Variants in NOC2L observed in about 807,000 individuals in gnomAD.
NOC2L encodes the protein NOC2 like nucleolar associated transcriptional repressor.
In NOC2L, 101 loss-of-function variants were observed where a neutral mutation model predicts 94.2. That is an observed-to-expected ratio of 1.07 (90% CI 0.91 to 1.26). The LOEUF (loss-of-function observed/expected upper bound fraction) is 1.26, where lower values mean the gene tolerates loss of function less well. Among genes scored for constraint, NOC2L ranks in the 50% most tolerant of loss-of-function variants. The pLI is 0.00. For synonymous variants in NOC2L, 531 were observed against 413.4 expected (o/e 1.28, Z -3.45); for missense variants, 1,076 against 980.1 (o/e 1.10, Z -1.31).
At chr1:952,353 G>C in intron 10 of NOC2L, 59 bp downstream of exon 10, 1 of 1,588,064 alleles carries the variant, frequency 6.3e-7, no homozygotes, top group Non-Finnish European at 8.6e-7. Context: ...CCTTGGGTCG[G>C]GCACCTGGGC....
rs190217509 is a variant in NOC2L, at chr1:948,640, T to C, written c.1444-37A>G. 48 of 1,004,846 alleles carry C rather than the reference T, an allele frequency of 4.8e-5. No homozygotes were observed. In the Middle Eastern group the frequency reaches 1.8e-3, roughly 38 times the overall value. 62.2% of individuals were successfully genotyped at this position (1,004,846 alleles called of 1,614,324 possible). On this transcript the variant is annotated intron_variant, in intron 12 of 18. Coordinates refer to ENST00000327044, the MANE Select transcript of NOC2L (RefSeq NM_015658.4). The stretch of plus-strand genomic sequence containing the variant: ...GCCGTGTCAGGCTCTCTCGGCCCCA[T>C]GCCTGGTCACCCTGGCTTCACCCTG...
rs552927939 is a variant in NOC2L at position 945,421 on chromosome 1, C to T, written c.2053+97G>A. Reference sequence around the variant, plus strand: ...CAGCTGGGCCAGAGACTGGTGAGCCCCCTGCAGGATGGGTACAGGTGGCCC... The same window carrying T: ...CAGCTGGGCCAGAGACTGGTGAGCCTCCTGCAGGATGGGTACAGGTGGCCC... On this transcript the variant is annotated intron_variant, in intron 17 of 18. Transcript: ENST00000327044. 34 of 1,431,002 alleles carry T rather than the reference C, an allele frequency of 2.4e-5. No individual in the cohort carries two copies. The African/African-American group carries it at 4.7e-4, about 20-fold the overall frequency. The allele number at this position is 1,431,002 out of a possible 1,614,324, so 88.6% of individuals were successfully genotyped here. A position where few individuals can be genotyped will look rare whatever the true frequency, so the allele number is the denominator to read the frequency against.
chr1:944,405 T>C lies in NOC2L; in HGVS notation c.*289A>G. ...GGAAGGGGCCAGGGGCCTGCAGGCC[T>C]CCCCCTGGAACTGGGACTGGTCTCG... is the stretch of plus-strand genomic sequence containing the variant. On this transcript the variant is annotated 3_prime_UTR_variant, in exon 19 of 19. Coordinates refer to ENST00000327044, the MANE Select transcript of NOC2L (RefSeq NM_015658.4). 6.8e-6 allele frequency: 8 copies of C among 1,184,968 alleles called. No homozygotes were observed. In the Admixed American group the frequency reaches 1.5e-4, roughly 22 times the overall value. The allele number at this position is 1,184,968 out of a possible 1,614,324, so 73.4% of individuals were successfully genotyped here. A position where few individuals can be genotyped will look rare whatever the true frequency, so the allele number is the denominator to read the frequency against.
At chr1:944,972 A>AGCCCCAC in intron 18 of NOC2L, 85 bp downstream of exon 18, 3 of 1,595,816 alleles carry the variant, frequency 1.9e-6, no homozygotes, top group Non-Finnish European at 2.6e-6. Context: ...CCTGGCCCAG[A>AGCCCCAC]GCCCCACGCC....
At chr1:947,910 G>A (rs959546448) in intron 14 of NOC2L, among the ~76,000 whole-genome samples, 2 of 152,196 alleles carry the variant, frequency 1.3e-5, no homozygotes, top group African/African-American at 4.8e-5. Flanking sequence ...TGCTCCCAGG[G>A]TCCTCAGCCC....
At chr1:947,285 C>T (rs1642140075) in intron 14 of NOC2L, among the ~76,000 whole-genome samples, 1 of 152,206 alleles carries the variant, frequency 6.6e-6, no homozygotes, top group Non-Finnish European at 1.5e-5. Context: ...CCCAAGAGGA[C>T]ATGGGAGGAA....
At chr1:952,924 G>C (rs1441221950) in intron 9 of NOC2L, among the ~76,000 whole-genome samples, 1 of 152,212 alleles carries the variant, frequency 6.6e-6, no homozygotes, top group Admixed American at 6.5e-5. Flanking sequence ...CCTCCAGCCA[G>C]AGAGGCCCTC....
intron 14 of NOC2L, 31 bp downstream of exon 14, chr1:948,100 G>C (rs370062741): frequency 2.4e-5 from 37 of 1,526,548 alleles, no homozygotes; most frequent in Non-Finnish European, 3.1e-5. Flanking sequence ...AGTCTGAGTC[G>C]GCCACGAGCC....
intron 2 of NOC2L, 34 bp downstream of exon 2, chr1:958,895 G>A (rs1477064020): frequency 3.1e-6 from 5 of 1,611,858 alleles, no homozygotes; most frequent in African/African-American, 1.3e-5. Flanking sequence ...GACAGGACGA[G>A]CAAGAGGTTC....
chr1:944,329 G>A lies in NOC2L; in HGVS notation c.*365C>T, dbSNP rs1305405090. ...TTTTCAAAGACTTGGGGGAGTGAAG[G>A]CAGAGCCTGGTGCAGATGGACGAGG... is the stretch of plus-strand genomic sequence containing the variant. On this transcript the variant is annotated 3_prime_UTR_variant, in exon 19 of 19. Transcript: ENST00000327044. 1.4e-6 allele frequency: 2 copies of A among 1,384,724 alleles called. No homozygotes were observed. Among genetic ancestry groups the A allele is most frequent in the East Asian group, 2.7e-5 (1 of 36,394 alleles). 85.8% of individuals were successfully genotyped at this position (1,384,724 alleles called of 1,614,324 possible). A position where few individuals can be genotyped will look rare whatever the true frequency, so the allele number is the denominator to read the frequency against.
chr1:947,089 C>T (rs978116855), intron 14 of NOC2L: 35 of 154,520 alleles, frequency 2.3e-4, no homozygotes, highest in Non-Finnish European at 1.4e-5. Context: ...AAAATACAGT[C>T]TCGCTGACGT....
In NOC2L at chr1:954,095, C is replaced by G. The variant is rs774977025; in HGVS notation, c.699-13G>C. On this transcript the variant is annotated splice_polypyrimidine_tract_variant and intron_variant, in intron 6 of 18. Coordinates refer to ENST00000327044, the MANE Select transcript of NOC2L (RefSeq NM_015658.4). ...CGGCTGCAGCATCCTGCAGAGAGAC[C>G]ACCCACCCCTGGCTGGGAGGCCCCA... The G allele has an allele frequency of 6.8e-6, 11 of 1,610,342 alleles. No individual in the cohort carries two copies. The East Asian group carries it at 2.0e-4, about 29-fold the overall frequency.
chr1:946,310 G>A lies in NOC2L; in HGVS notation c.1804-24C>T, dbSNP rs760077638. 79 of 1,611,816 alleles carry A rather than the reference G, an allele frequency of 4.9e-5. 1 individual carries two copies. In the South Asian group the frequency reaches 8.3e-4, roughly 17 times the overall value. On this transcript the variant is annotated intron_variant, in intron 15 of 18. Coordinates refer to ENST00000327044, the MANE Select transcript of NOC2L (RefSeq NM_015658.4). ...TCCTGGGGGGTTGGGGGAGTTCAGG[G>A]TCATGCCTCACCCTGGGCAAACCCC...
chr1:958,485 G>A (rs1259874650), intron 2 of NOC2L: 3 of 355,948 alleles, frequency 8.4e-6, no homozygotes, highest in Non-Finnish European at 1.7e-5. Flanking sequence ...CCTGACCTCA[G>A]GTAATCTGCC....
chr1:945,721 G>C lies in NOC2L; in HGVS notation c.1918-68C>G, dbSNP rs1045144424. On this transcript the variant is annotated intron_variant, in intron 16 of 18. Transcript: ENST00000327044. ...GGGCTGGCGGCCACAGCAGGGCCAGGCATCGCCAGACCCACCACCAGGGCC... is the reference window on the plus strand; with the variant it reads ...GGGCTGGCGGCCACAGCAGGGCCAGCCATCGCCAGACCCACCACCAGGGCC... 1.9e-6 allele frequency: 3 copies of C among 1,605,204 alleles called. No homozygotes were observed. In the Admixed American group the frequency reaches 5.0e-5, roughly 27 times the overall value.
chr1:956,233 C>CCAGGGGCGT lies in NOC2L; in HGVS notation c.487-27_487-19dup, dbSNP rs750022595. ...AGGCGTTGCTGAAGGAGCAAGAGTACCAGGGGCGTCAGGGGAGCTGAGACT... is the reference window on the plus strand; with the variant it reads ...AGGCGTTGCTGAAGGAGCAAGAGTACCAGGGGCGTCAGGGGCGTCAGGGGAGCTGAGACT... On this transcript the variant is annotated intron_variant, in intron 4 of 18. Coordinates refer to ENST00000327044, the MANE Select transcript of NOC2L (RefSeq NM_015658.4). The CCAGGGGCGT allele has an allele frequency of 3.1e-6, 5 of 1,611,512 alleles. No homozygotes were observed. In the Admixed American group the frequency reaches 8.3e-5, roughly 27 times the overall value.
At chr1:956,321 TA>T (rs1642400547) in intron 4 of NOC2L, 106 bp from the exon 5 acceptor site, 5 of 1,356,708 alleles carry the variant, frequency 3.7e-6, no homozygotes, top group Non-Finnish European at 5.1e-6. Flanking sequence ...CCCTCAGACA[TA>T]GGGCAGAGGT....
At position 946,537 on chromosome 1, in the gene NOC2L, C is replaced by A; in HGVS notation, c.1668G>T (p.Ser556=). ...TGGCCACCTTGCACTCCCGGAGGAACGACTTCAGCTGCGGAAGGGAGGGGT... is the reference window on the plus strand; with the variant it reads ...TGGCCACCTTGCACTCCCGGAGGAAAGACTTCAGCTGCGGAAGGGAGGGGT... ...LVLPVVLQLK[S]FLRECKVANY... is the part of the protein sequence containing the mutation. The change falls in exon 15 of 19, where the codon TCG becomes TCT. Residue 556 remains serine (S), a synonymous_variant. Transcript: ENST00000327044. The A allele has an allele frequency of 6.2e-7, 1 of 1,611,748 alleles. No individual in the cohort carries two copies. Among genetic ancestry groups the A allele is most frequent in the East Asian group, 2.2e-5 (1 of 44,840 alleles).
chr1:955,584 G>C (rs575101738), intron 6 of NOC2L, among the ~76,000 whole-genome samples: 4 of 152,222 alleles, frequency 2.6e-5, no homozygotes, highest in East Asian at 1.9e-4. Flanking sequence ...AGATCAAGGA[G>C]TATGGACAGG....
Sources: allele counts gnomAD v4.1 joint callset (sites outside exome capture counted in the v4.1 genomes callset), GRCh38; gene constraint gnomAD v4.1.1; transcripts MANE v1.5; gene names NCBI Gene and HGNC (gene_info 2026-07-23, HGNC 2026-07-21).